The following CACNB2 variants were observed in gnomAD, a reference collection of about 807,000 sequenced individuals.
The protein encoded by CACNB2 is calcium voltage-gated channel auxiliary subunit beta 2, also known as voltage-dependent L-type calcium channel subunit beta-2.
Under a neutral mutation model 73.3 loss-of-function variants are expected in CACNB2, and 42 were observed. That is an observed-to-expected ratio of 0.57 (90% CI 0.45 to 0.74). The LOEUF is 0.74. Ranked by LOEUF, CACNB2 falls within the 30% of genes least tolerant of loss-of-function variation. The pLI is 0.00. For missense variants in CACNB2, 940 were observed against 853.0 expected, an observed-to-expected ratio of 1.10 and a Z score of -1.27; for synonymous variants, 348 against 310.3, an observed-to-expected ratio of 1.12 and a Z score of -1.28.
At chr10:18,197,975 A>G (rs1279437533) in intron 2 of CACNB2, among the ~76,000 whole-genome samples, 2 of 148,226 alleles carry the variant, frequency 1.3e-5, no homozygotes, top group African/African-American at 2.4e-5. Context: ...ATACTTAATT[A>G]TAATTAACAT....
At chr10:18,480,545 C>T (rs1447411069) in intron 3 of CACNB2, among the ~76,000 whole-genome samples, 1 of 152,216 alleles carries the variant, frequency 6.6e-6, no homozygotes, top group African/African-American at 2.4e-5. Context: ...TGTGTTCCCA[C>T]TGCCAAGAAA....
intron 1 of CACNB2, 189 bp downstream of exon 1, chr10:18,141,045 T>A: frequency 1.9e-6 from 3 of 1,545,618 alleles, no homozygotes; most frequent in Non-Finnish European, 2.6e-6. Flanking sequence ...TGGCTCTGCC[T>A]CGGCTTCCAT....
intron 9 of CACNB2, among the ~76,000 whole-genome samples, chr10:18,521,487 A>G (rs531048439): frequency 8.4e-4 from 128 of 152,338 alleles, no homozygotes; most frequent in African/African-American, 2.8e-3. Context: ...TGTCACGCCA[A>G]TGGGCTTGGA....
chr10:18,152,270 G>A lies in CACNB2; in HGVS notation c.213+1295G>A, dbSNP rs144386926. On this transcript the variant is annotated intron_variant, in intron 2 of 13. Transcript: ENST00000324631. ...GCCAGTGGTACTTCCAAGTAACTTG[G>A]CAACTGGAAAAAAACTGGTCCTGGT... Among the ~76,000 whole-genome samples the A allele has an allele frequency of 5.1e-3, 784 of 152,252 alleles. 6 individuals are homozygous for A. Among genetic ancestry groups the A allele is most frequent in the African/African-American group, 0.018 (739 of 41,538 alleles).
intron 2 of CACNB2, among the ~76,000 whole-genome samples, chr10:18,367,578 T>C (rs1564474301): frequency 6.6e-6 from 1 of 152,140 alleles, no homozygotes; most frequent in East Asian, 1.9e-4. Flanking sequence ...ATGTTTCTCT[T>C]AAATGTTTAA....
At chr10:18,174,928 G>A (rs1263502581) in intron 2 of CACNB2, among the ~76,000 whole-genome samples, 1 of 152,114 alleles carries the variant, frequency 6.6e-6, no homozygotes, top group Non-Finnish European at 1.5e-5. Flanking sequence ...TTTTCAGACA[G>A]AAAAATTTAG....
At chr10:18,265,204 G>A (rs533485195) in intron 2 of CACNB2, among the ~76,000 whole-genome samples, 8 of 144,086 alleles carry the variant, frequency 5.6e-5, no homozygotes, top group East Asian at 2.1e-4. Flanking sequence ...AGGCTGAAGC[G>A]TAGTGGCACA....
At chr10:18,529,282 G>T (rs954039415) in intron 10 of CACNB2, among the ~76,000 whole-genome samples, 3 of 152,114 alleles carry the variant, frequency 2.0e-5, no homozygotes, top group African/African-American at 7.2e-5. Context: ...GTTTTTAAAT[G>T]AATTTTCCAG....
chr10:18,217,033 G>C (rs2482118), intron 2 of CACNB2, among the ~76,000 whole-genome samples: 101,417 of 151,984 alleles, frequency 0.67, 35,498 homozygotes, highest in Non-Finnish European at 0.79. Context: ...CTTTTCATAC[G>C]TTTATTGAAT....
intron 3 of CACNB2, among the ~76,000 whole-genome samples, chr10:18,481,372 G>A (rs1355000101): frequency 6.8e-6 from 1 of 146,418 alleles, no homozygotes; most frequent in South Asian, 2.2e-4. Context: ...TTAGCCTTCC[G>A]AGTAGCTGGG....
intron 2 of CACNB2, among the ~76,000 whole-genome samples, chr10:18,209,339 G>C (rs1277766): frequency 0.89 from 135,517 of 152,232 alleles, 60,525 homozygotes; most frequent in African/African-American, 0.93. Context: ...TCTGCTTTAA[G>C]TTACAAATGG....
intron 3 of CACNB2, among the ~76,000 whole-genome samples, chr10:18,481,696 C>A (rs2048786809): frequency 6.6e-6 from 1 of 152,088 alleles, no homozygotes; most frequent in South Asian, 2.1e-4. Context: ...TCCCTGATTC[C>A]TTCTCTGGCC....
At chr10:18,485,100 C>T (rs1314132080) in intron 3 of CACNB2, among the ~76,000 whole-genome samples, 1 of 152,098 alleles carries the variant, frequency 6.6e-6, no homozygotes, top group Non-Finnish European at 1.5e-5. Flanking sequence ...CGAGATCACA[C>T]CATTGCACTC....
intron 3 of CACNB2, among the ~76,000 whole-genome samples, chr10:18,409,914 C>T (rs111897706): frequency 1.3e-5 from 2 of 152,118 alleles, no homozygotes; most frequent in African/African-American, 4.8e-5. Flanking sequence ...CGCCTTTACT[C>T]TCAGCTATCC....
In CACNB2 at chr10:18,140,841, C is replaced by G. The variant is rs758597745; in HGVS notation, c.105C>G (p.Leu35=). The G allele has an allele frequency of 3.7e-6, 6 of 1,601,772 alleles. No individual in the cohort carries two copies. The highest frequency in any genetic ancestry group is 1.1e-5 in the South Asian group (1 of 89,104). The change falls in exon 1 of 14, where the codon CTC becomes CTG. Residue 35 remains leucine (L), a synonymous_variant. Transcript: ENST00000324631. The stretch of plus-strand genomic sequence containing the variant: ...AGAACGTGGCTCCCGCGGGGGCGCT[C>G]GGAGCCGCCGCACAGGTAGCGAGAG... ...LLENVAPAGA[L]GAAAQSYGKG...
chr10:18,520,749 G>T (rs1248297272), intron 9 of CACNB2, among the ~76,000 whole-genome samples: 1 of 152,074 alleles, frequency 6.6e-6, no homozygotes, highest in South Asian at 2.1e-4. Flanking sequence ...GAGTGTTCCA[G>T]ACAGATTACA....
At chr10:18,235,179 G>A (rs1384419408) in intron 2 of CACNB2, among the ~76,000 whole-genome samples, 4 of 150,384 alleles carry the variant, frequency 2.7e-5, no homozygotes, top group Non-Finnish European at 5.9e-5. Flanking sequence ...GGAGCTGGGC[G>A]CAGTGGCTTA....
chr10:18,482,261 T>C (rs1190475191), intron 3 of CACNB2, among the ~76,000 whole-genome samples: 2 of 152,166 alleles, frequency 1.3e-5, no homozygotes, highest in African/African-American at 4.8e-5. Context: ...AAGCACAATA[T>C]AGTTGCAAAT....
chr10:18,161,600 G>T lies in CACNB2; in HGVS notation c.213+10625G>T, dbSNP rs981640768. The stretch of plus-strand genomic sequence containing the variant: ...TTGATTTCTTGGTGGTCCAGGTGCC[G>T]CATCTGAAAGTTGGAACATGGCAAA... On this transcript the variant is annotated intron_variant, in intron 2 of 13. Coordinates refer to ENST00000324631, the MANE Select transcript of CACNB2 (RefSeq NM_201596.3). 3.4e-5 allele frequency among the ~76,000 whole-genome samples: 5 copies of T among 149,174 alleles called. No individual in the cohort carries two copies. The Admixed American group carries it at 3.4e-4, about 10-fold the overall frequency.
Sources: allele counts gnomAD v4.1 joint callset (sites outside exome capture counted in the v4.1 genomes callset), GRCh38; gene constraint gnomAD v4.1.1; transcripts MANE v1.5; gene names NCBI Gene and HGNC (gene_info 2026-07-23, HGNC 2026-07-21).